The following CDKAL1 variants were observed in gnomAD, a reference collection of about 807,000 sequenced individuals.
CDKAL1 encodes threonylcarbamoyladenosine tRNA methylthiotransferase.
A neutral mutation model predicts 68.2 loss-of-function variants in CDKAL1; 32 were observed. That is an observed-to-expected ratio of 0.47 (90% CI 0.35 to 0.63). The LOEUF is 0.63. Among genes scored for constraint, CDKAL1 ranks in the 30% least tolerant of loss-of-function variants. CDKAL1 has a pLI of 0.00. For missense variants in CDKAL1, 606 were observed against 696.7 expected (o/e 0.87, Z 1.47); for synonymous variants, 234 against 244.3 (o/e 0.96, Z 0.39).
chr6:20,661,836 G>A (rs745750797), intron 5 of CDKAL1, among the ~76,000 whole-genome samples: 4 of 152,156 alleles, frequency 2.6e-5, no homozygotes, highest in African/African-American at 9.7e-5. Flanking sequence ...AGAGGGCAGT[G>A]TATTATGTGC....
intron 9 of CDKAL1, among the ~76,000 whole-genome samples, chr6:20,875,855 C>G (rs1581744092): frequency 6.6e-6 from 1 of 152,014 alleles, no homozygotes; most frequent in Non-Finnish European, 1.5e-5. Flanking sequence ...TGTCCTGACT[C>G]TGTGTGTGAT....
intron 11 of CDKAL1, among the ~76,000 whole-genome samples, chr6:21,055,402 A>G (rs936584370): frequency 1.3e-5 from 2 of 151,594 alleles, no homozygotes; most frequent in East Asian, 1.9e-4. Context: ...TTAAGTTCTG[A>G]GGTACATGTG....
intron 9 of CDKAL1, among the ~76,000 whole-genome samples, chr6:20,930,572 A>G (rs1387565802): frequency 6.6e-6 from 1 of 152,194 alleles, no homozygotes; most frequent in African/African-American, 2.4e-5. Context: ...AACAAAACCC[A>G]TGTCGAAACC....
chr6:21,108,607 T>C (rs1582214791), intron 13 of CDKAL1, 144 bp downstream of exon 13: 1 of 522,966 alleles, frequency 1.9e-6, no homozygotes, highest in South Asian at 3.4e-5. Context: ...CTTTATCCCT[T>C]TTAAAGAAAA....
intron 4 of CDKAL1, among the ~76,000 whole-genome samples, chr6:20,568,033 G>A (rs868260472): frequency 3.3e-5 from 5 of 151,974 alleles, no homozygotes; most frequent in East Asian, 1.9e-4. Context: ...CTGCCACCAC[G>A]CCCGGCTAAT....
At chr6:20,843,757 AC>A (rs879409926) in intron 8 of CDKAL1, among the ~76,000 whole-genome samples, 1 of 152,202 alleles carries the variant, frequency 6.6e-6, no homozygotes, top group Admixed American at 6.5e-5. Context: ...GGAATGGTCA[AC>A]CAATAGCTTC....
chr6:20,550,710 GTATC>G (rs974119327), intron 4 of CDKAL1, among the ~76,000 whole-genome samples: 1 of 151,946 alleles, frequency 6.6e-6, no homozygotes, highest in African/African-American at 2.4e-5. Flanking sequence ...AGCTATTTCT[GTATC>G]TATTATGTGT....
intron 8 of CDKAL1, among the ~76,000 whole-genome samples, chr6:20,844,362 C>G (rs1241699793): frequency 6.6e-6 from 1 of 152,056 alleles, no homozygotes; most frequent in Non-Finnish European, 1.5e-5. Context: ...AGATGTTTGG[C>G]GCTCAGTTCT....
intron 12 of CDKAL1, among the ~76,000 whole-genome samples, chr6:21,103,592 A>G (rs940659453): frequency 6.6e-6 from 1 of 152,154 alleles, no homozygotes; most frequent in Non-Finnish European, 1.5e-5. Context: ...TTTTAAACCC[A>G]CGGCAGCCCG....
At chr6:20,932,170 C>T (rs916373999) in intron 9 of CDKAL1, among the ~76,000 whole-genome samples, 1 of 152,120 alleles carries the variant, frequency 6.6e-6, no homozygotes, top group African/African-American at 2.4e-5. Context: ...AGTGTGAGAA[C>T]AAAATTTAAG....
intron 15 of CDKAL1, among the ~76,000 whole-genome samples, chr6:21,202,881 C>T (rs1259691345): frequency 6.6e-6 from 1 of 152,162 alleles, no homozygotes; most frequent in African/African-American, 2.4e-5. Flanking sequence ...CTACCACCAG[C>T]CCAGCTCTGA....
chr6:20,605,891 C>T (rs1038987533), intron 4 of CDKAL1, among the ~76,000 whole-genome samples: 2 of 152,204 alleles, frequency 1.3e-5, no homozygotes, highest in Admixed American at 1.3e-4. Flanking sequence ...CAATGCTCAG[C>T]TGAGTACTGT....
intron 4 of CDKAL1, among the ~76,000 whole-genome samples, chr6:20,629,635 C>T (rs765321129): frequency 6.6e-6 from 1 of 152,114 alleles, no homozygotes; most frequent in Non-Finnish European, 1.5e-5. Context: ...CTGCCTCACT[C>T]CATTTCTGCT....
At chr6:20,928,651 T>TTCC (rs1318234342) in intron 9 of CDKAL1, among the ~76,000 whole-genome samples, 1 of 151,934 alleles carries the variant, frequency 6.6e-6, no homozygotes, top group Non-Finnish European at 1.5e-5. Flanking sequence ...AATCGTTTAT[T>TTCC]CTACTGGAGA....
chr6:20,821,742 A>G (rs1212856633), intron 8 of CDKAL1, among the ~76,000 whole-genome samples: 4 of 152,142 alleles, frequency 2.6e-5, no homozygotes, highest in Admixed American at 6.5e-5. Context: ...GACAAAGCCA[A>G]CAGGATTTTC....
chr6:20,613,427 A>C (rs1322840364), intron 4 of CDKAL1, among the ~76,000 whole-genome samples: 1 of 149,914 alleles, frequency 6.7e-6, no homozygotes, highest in Admixed American at 6.6e-5. Context: ...AGCATGTGCC[A>C]CCATACCCGG....
chr6:21,033,715 T>G (rs1769419993), intron 11 of CDKAL1, among the ~76,000 whole-genome samples: 1 of 152,190 alleles, frequency 6.6e-6, no homozygotes, highest in South Asian at 2.1e-4. Context: ...AGTACTCGCT[T>G]CACTATAGAC....
chr6:20,572,574 G>C (rs9460522), intron 4 of CDKAL1, among the ~76,000 whole-genome samples: 3,260 of 152,202 alleles, frequency 0.021, 105 homozygotes, highest in African/African-American at 0.073. Context: ...TAGAAATGCT[G>C]AGTGCTTTCT....
At chr6:20,654,598 A>G (rs1307496940) in intron 5 of CDKAL1, among the ~76,000 whole-genome samples, 4 of 152,164 alleles carry the variant, frequency 2.6e-5, no homozygotes, top group Non-Finnish European at 2.9e-5. Flanking sequence ...TAGGTCTATA[A>G]TTCATCTAGA....
Sources: allele counts gnomAD v4.1 joint callset (sites outside exome capture counted in the v4.1 genomes callset), GRCh38; gene constraint gnomAD v4.1.1; transcripts MANE v1.5; gene names NCBI Gene and HGNC (gene_info 2026-07-23, HGNC 2026-07-21).